Variants in AGTRAP observed in about 807,000 individuals in gnomAD.
AGTRAP encodes the protein angiotensin II receptor associated protein.
Under a neutral mutation model 15.2 loss-of-function variants are expected in AGTRAP, and 7 were observed. That is an observed-to-expected ratio of 0.46 (90% CI 0.26 to 0.87). The LOEUF is 0.87. AGTRAP is among the 40% of genes least tolerant of loss of function. AGTRAP has a pLI of 0.15. For missense variants in AGTRAP, 187 were observed against 213.4 expected (o/e 0.88, Z 0.77); for synonymous variants, 74 against 89.6 (o/e 0.83, Z 0.98).
intron 1 of AGTRAP, among the ~76,000 whole-genome samples, chr1:11,736,637 C>G (rs1283268090): frequency 6.6e-6 from 1 of 152,238 alleles, no homozygotes; most frequent in East Asian, 1.9e-4. Flanking sequence ...GGCTTGCCCC[C>G]CGGGTCCCAG....
Position 11,745,762 on chromosome 1 carries a change from C to A in AGTRAP, c.28-41C>A. 3 of 1,611,458 alleles carry A rather than the reference C, an allele frequency of 1.9e-6. No homozygotes were observed. Among genetic ancestry groups the A allele is most frequent in the South Asian group, 2.2e-5 (2 of 90,982 alleles). ...GACGCTTTCCTGCCCCTGTGGTGGTCATGTTCACAGACCTCTTCTCTCCCC... is the reference window on the plus strand; with the variant it reads ...GACGCTTTCCTGCCCCTGTGGTGGTAATGTTCACAGACCTCTTCTCTCCCC... On this transcript the variant is annotated intron_variant, in intron 1 of 4. Coordinates refer to ENST00000314340, the MANE Select transcript of AGTRAP (RefSeq NM_020350.5). The surrounding 1 kb of genome is among the most constrained non-coding windows in gnomAD (Gnocchi z 4.2).
chr1:11,746,423 G>T (rs1557704504), intron 2 of AGTRAP: 2 of 557,198 alleles, frequency 3.6e-6, no homozygotes, highest in South Asian at 4.4e-5. Flanking sequence ...CACCTGCCTT[G>T]CACATGTCTT....
chr1:11,748,389 G>T, intron 3 of AGTRAP, 26 bp from the exon 4 acceptor site: 1 of 1,604,584 alleles, frequency 6.2e-7, no homozygotes. Flanking sequence ...GGGGTGTTGT[G>T]CTCATCAGTG....
chr1:11,748,036 C>T (rs943722378), intron 3 of AGTRAP, among the ~76,000 whole-genome samples: 7 of 152,174 alleles, frequency 4.6e-5, no homozygotes, highest in East Asian at 1.9e-4. Context: ...ACGGGCTCTT[C>T]AAGCCGAGGC....
Position 11,748,509 on chromosome 1 carries a change from G to T in AGTRAP, c.263G>T (p.Gly88Val), listed in dbSNP as rs1214868662. 1 of 1,613,018 alleles carries T rather than the reference G, an allele frequency of 6.2e-7. No homozygotes were observed. The highest frequency in any genetic ancestry group is 8.5e-7 in the Non-Finnish European group (1 of 1,180,018). Residue 88 changes from glycine (G) to valine (V), a missense_variant, in exon 4 of 5, where the codon GGC becomes GTC. By Grantham distance (109) the Gly-to-Val change is moderately radical. Transcript: ENST00000314340. ...RVSLTDTGRF[G>V]VGMAILSLLL... ...AGCCTCACGGACACGGGCCGCTTTG[G>T]CGTGGGCATGGCCATCCTCAGCTTG...
At chr1:11,742,451 T>C (rs1175600859) in intron 1 of AGTRAP, among the ~76,000 whole-genome samples, 1 of 151,108 alleles carries the variant, frequency 6.6e-6, no homozygotes, top group Non-Finnish European at 1.5e-5. Context: ...GTTCCTTCCT[T>C]CCTTCCTTCC....
chr1:11,750,200 C>A lies in AGTRAP; in HGVS notation c.*8C>A, dbSNP rs748705898. On this transcript the variant is annotated 3_prime_UTR_variant, in exon 5 of 5. Transcript: ENST00000314340. ...GATGCCCGAGGGTACTGAAGCCAGC[C>A]ACGCTGCGCCCGGCCCTGCCCCGGG... 2 of 1,608,656 alleles carry A rather than the reference C, an allele frequency of 1.2e-6. No individual in the cohort carries two copies. The highest frequency in any genetic ancestry group is 1.7e-5 in the Admixed American group (1 of 59,826).
rs1455779937 is a variant in AGTRAP at position 11,747,533 on chromosome 1, C to T, written c.156C>T (p.Asp52=). The T allele has an allele frequency of 9.3e-6, 15 of 1,613,944 alleles. No homozygotes were observed. The highest frequency in any genetic ancestry group is 2.2e-5 in the East Asian group (1 of 44,876). Residue 52 remains aspartate (D), a synonymous_variant, in exon 3 of 5, where the codon GAC becomes GAT. Transcript: ENST00000314340. ...VWAVAQRDSI[D]AISMFLGGLL... is the part of the protein sequence containing the mutation. Reference sequence around the variant, plus strand: ...CTGTGGCTCAGCGGGACTCCATCGACGCCATAAGCATGGTGAGCCAGGGTG... The same window carrying T: ...CTGTGGCTCAGCGGGACTCCATCGATGCCATAAGCATGGTGAGCCAGGGTG...
At chr1:11,747,638 TC>T (rs1012698545) in intron 3 of AGTRAP, 93 bp downstream of exon 3, 183 of 1,310,218 alleles carry the variant, frequency 1.4e-4, no homozygotes, top group Middle Eastern at 2.5e-4. Context: ...ATCCCAATCT[TC>T]CCCCTCTTCC....
rs184958903 is a variant in AGTRAP, at chr1:11,747,416, G to T, written c.63-24G>T. 1.9e-6 allele frequency: 3 copies of T among 1,609,984 alleles called. No individual in the cohort carries two copies. The East Asian group carries it at 6.7e-5, about 36-fold the overall frequency. On this transcript the variant is annotated intron_variant, in intron 2 of 4. Coordinates refer to ENST00000314340, the MANE Select transcript of AGTRAP (RefSeq NM_020350.5). ...CCTGCGGGGTGGTGGCCTCCTGACG[G>T]GACTGAGCTACCTCTTCCTACAGGG...
At chr1:11,742,445 CTTCCTTCCTTCCTTCCTTCT>C (rs1642054746) in intron 1 of AGTRAP, among the ~76,000 whole-genome samples, 1 of 86,836 alleles carries the variant, frequency 1.2e-5, no homozygotes, top group Admixed American at 1.2e-4. Context: ...TCCTTCGTTC[CTTCCTTCCTTCCTTCCTTCT>C]TTCCTTCCTT....
Position 11,746,167 on chromosome 1 carries a change from A to G in AGTRAP, c.62+330A>G, listed in dbSNP as rs377159798. ...CTCTGCCAAACCAAGACTGGAAACC[A>G]TTGAGCTCACCTGTGCACTTTGCAA... On this transcript the variant is annotated intron_variant, in intron 2 of 4. Transcript: ENST00000314340. 12 of 1,613,706 alleles carry G rather than the reference A, an allele frequency of 7.4e-6. No individual in the cohort carries two copies. The African/African-American group carries it at 1.1e-4, about 14-fold the overall frequency.
chr1:11,737,982 G>T (rs951527069), intron 1 of AGTRAP, among the ~76,000 whole-genome samples: 8 of 152,180 alleles, frequency 5.3e-5, no homozygotes, highest in Non-Finnish European at 1.2e-4. Flanking sequence ...GATCAACAAC[G>T]AACAGTTTTT....
intron 3 of AGTRAP, among the ~76,000 whole-genome samples, chr1:11,748,026 AC>A (rs1386041048): frequency 2.0e-5 from 3 of 152,050 alleles, no homozygotes; most frequent in Non-Finnish European, 4.4e-5. Context: ...GCACTCCCGC[AC>A]GGGCTCTTCA....
intron 1 of AGTRAP, among the ~76,000 whole-genome samples, chr1:11,737,366 T>G (rs888130934): frequency 6.6e-6 from 1 of 152,200 alleles, no homozygotes; most frequent in African/African-American, 2.4e-5. Context: ...ATGCACTCTA[T>G]TCCAGGCAAT....
Position 11,747,439 on chromosome 1 carries a change from G to C in AGTRAP, c.63-1G>C, listed in dbSNP as rs1642190461. ...CGGGACTGAGCTACCTCTTCCTACAGGGGCTGCATTGTATTCTCAGGCTCC... is the reference window on the plus strand; with the variant it reads ...CGGGACTGAGCTACCTCTTCCTACACGGGCTGCATTGTATTCTCAGGCTCC... On this transcript the variant is annotated splice_acceptor_variant, in intron 2 of 4. Transcript: ENST00000314340. LOFTEE classifies it high-confidence loss of function. 6.2e-7 allele frequency: 1 copy of C among 1,613,904 alleles called. No homozygotes were observed. Among genetic ancestry groups the C allele is most frequent in the Non-Finnish European group, 8.5e-7 (1 of 1,179,884 alleles).
intron 3 of AGTRAP, 80 bp downstream of exon 3, chr1:11,747,625 C>G (rs1642198167): frequency 7.0e-7 from 1 of 1,429,928 alleles, no homozygotes; most frequent in East Asian, 2.3e-5. Flanking sequence ...GCTACCCCGT[C>G]CCATCCCAAT....
intron 1 of AGTRAP, 79 bp downstream of exon 1, chr1:11,736,314 G>T: frequency 1.9e-6 from 3 of 1,559,630 alleles, no homozygotes; most frequent in South Asian, 1.2e-5. Flanking sequence ...TGGGAGGAAG[G>T]ACCGGAGTTT....
In AGTRAP at chr1:11,745,357, C is replaced by T. The variant is rs1169204929; in HGVS notation, c.28-446C>T. 5.3e-5 allele frequency among the ~76,000 whole-genome samples: 8 copies of T among 152,116 alleles called. No individual in the cohort carries two copies. Among genetic ancestry groups the T allele is most frequent in the Non-Finnish European group, 1.2e-4 (8 of 68,020 alleles). On this transcript the variant is annotated intron_variant, in intron 1 of 4. Transcript: ENST00000314340. The surrounding 1 kb of genome is among the most constrained non-coding windows in gnomAD (Gnocchi z 4.2). ...CATCTTGATTTGGGTGGGTTTTAGC[C>T]GGCTTCTTTACTGTAACCCGTTTTG...
Sources: allele counts gnomAD v4.1 joint callset (sites outside exome capture counted in the v4.1 genomes callset), GRCh38; gene constraint gnomAD v4.1.1; non-coding constraint Gnocchi (gnomAD v3.1); transcripts MANE v1.5; gene names NCBI Gene and HGNC (gene_info 2026-07-23, HGNC 2026-07-21).